FNDC1: variants seen among roughly 807,000 people sequenced by gnomAD.
FNDC1 encodes the protein fibronectin type III domain-containing protein 1.
In FNDC1, 96 loss-of-function variants were observed where a neutral mutation model predicts 168.0. The observed-to-expected ratio is 0.57, with a 90% CI of 0.48 to 0.68. The LOEUF (loss-of-function observed/expected upper bound fraction) is 0.68. Among genes scored for constraint, FNDC1 ranks in the 30% least tolerant of loss-of-function variants. The probability of loss-of-function intolerance (pLI) is 0.00; values close to 1 mark genes in which losing one functional copy is unlikely to be tolerated. For missense variants in FNDC1, 2,587 were observed against 2,482.1 expected (o/e 1.04, Z -0.90); for synonymous variants, 1,099 against 1,025.9 (o/e 1.07, Z -1.36).
In FNDC1 at chr6:159,236,247, G is replaced by A. The variant is rs779780288; in HGVS notation, c.4000G>A (p.Val1334Ile). 64 of 1,613,638 alleles carry A rather than the reference G, an allele frequency of 4.0e-5. No homozygotes were observed. In the South Asian group the frequency reaches 6.8e-4, roughly 17 times the overall value. The change falls in exon 12 of 23, where the codon GTC becomes ATC. Residue 1334 changes from valine (V) to isoleucine (I), a missense_variant. Val to Ile is a conservative substitution (Grantham distance 29). Coordinates refer to ENST00000297267, the MANE Select transcript of FNDC1 (RefSeq NM_032532.3). Reference sequence around the variant, plus strand: ...TGGCAGACCAAATGTAGAAGGGAAAGTCCTTCCTGGTAGTAATGGAAAACC... The same window carrying A: ...TGGCAGACCAAATGTAGAAGGGAAAATCCTTCCTGGTAGTAATGGAAAACC... ...YNGRPNVEGKVLPGSNGKPNG... is the reference protein window; with the variant it reads ...YNGRPNVEGKILPGSNGKPNG...
chr6:159,210,667 G>A (rs564322569), intron 4 of FNDC1, among the ~76,000 whole-genome samples: 2 of 152,342 alleles, frequency 1.3e-5, no homozygotes, highest in South Asian at 4.1e-4. Flanking sequence ...GAACGAGCCT[G>A]TGGTGGATGC....
At chr6:159,210,366 T>C (rs1412660235) in intron 4 of FNDC1, among the ~76,000 whole-genome samples, 2 of 152,218 alleles carry the variant, frequency 1.3e-5, no homozygotes, top group African/African-American at 4.8e-5. Flanking sequence ...AGATGTTCCC[T>C]TAGCCTTTCT....
At chr6:159,223,261 G>T (rs1412104262) in intron 6 of FNDC1, among the ~76,000 whole-genome samples, 1 of 152,138 alleles carries the variant, frequency 6.6e-6, no homozygotes, top group Non-Finnish European at 1.5e-5. Flanking sequence ...CTCCCAAAGT[G>T]CTGGGATTAC....
Position 159,271,568 on chromosome 6 carries a change from T to TG in FNDC1, c.*128dup. 1.5e-6 allele frequency: 1 copy of TG among 671,980 alleles called. No individual in the cohort carries two copies. The highest frequency in any genetic ancestry group is 2.2e-5 in the Admixed American group (1 of 45,096). The allele number at this position is 671,980 out of a possible 1,614,324, so 41.6% of individuals were successfully genotyped here. A position where few individuals can be genotyped will look rare whatever the true frequency, so the allele number is the denominator to read the frequency against. The stretch of plus-strand genomic sequence containing the variant: ...CCCTAGGTGCCAGGAAGGTCATAGA[T>TG]GGACACTGGCCATTCTGGTCATCTC... On this transcript the variant is annotated 3_prime_UTR_variant, in exon 23 of 23. Coordinates refer to ENST00000297267, the MANE Select transcript of FNDC1 (RefSeq NM_032532.3).
At chr6:159,179,623 G>GCCCT (rs976057771) in intron 1 of FNDC1, among the ~76,000 whole-genome samples, 3 of 151,986 alleles carry the variant, frequency 2.0e-5, no homozygotes, top group African/African-American at 7.3e-5. Flanking sequence ...TTTGCTCCAC[G>GCCCT]CCCTCATCAA....
chr6:159,233,742 G>T lies in FNDC1; in HGVS notation c.3230G>T (p.Gly1077Val). 1 of 1,549,188 alleles carries T rather than the reference G, an allele frequency of 6.5e-7. No individual in the cohort carries two copies. Residue 1077 changes from glycine (G) to valine (V), a missense_variant, in exon 11 of 23, where the codon GGC becomes GTC. By Grantham distance (109) the Gly-to-Val change is moderately radical (BLOSUM62 -3). Coordinates refer to ENST00000297267, the MANE Select transcript of FNDC1 (RefSeq NM_032532.3). The surrounding 1 kb of genome is among the most constrained non-coding windows in gnomAD (Gnocchi z 4.6). ...CAGAACCAGGACGAGGATGCCCAGG[G>T]CAGCTACGACGACGACAGCACAGAA... is the stretch of plus-strand genomic sequence containing the variant. ...ALQNQDEDAQGSYDDDSTEVE... is the reference protein window; with the variant it reads ...ALQNQDEDAQVSYDDDSTEVE...
At chr6:159,263,527 C>A (rs1777532239) in intron 19 of FNDC1, among the ~76,000 whole-genome samples, 3 of 152,212 alleles carry the variant, frequency 2.0e-5, no homozygotes, top group African/African-American at 4.8e-5. Context: ...CTTTGGGAGG[C>A]CGAGTCAGGC....
chr6:159,225,641 T>C lies in FNDC1; in HGVS notation c.991T>C (p.Tyr331His). Residue 331 changes from tyrosine (Y) to histidine (H), a missense_variant, in exon 8 of 23, where the codon TAT (tyrosine) becomes CAT (histidine). Coordinates refer to ENST00000297267, the MANE Select transcript of FNDC1 (RefSeq NM_032532.3). Reference protein sequence around the residue: ...LIENLIPDTVYEFAVRISQGE... With the variant: ...LIENLIPDTVHEFAVRISQGE... Reference sequence around the variant, plus strand: ...TGAGAACCTGATTCCAGACACTGTGTATGAATTTGCAGTCCGTATTTCACA... The same window carrying C: ...TGAGAACCTGATTCCAGACACTGTGCATGAATTTGCAGTCCGTATTTCACA... 1 of 1,613,964 alleles carries C rather than the reference T, an allele frequency of 6.2e-7. No homozygotes were observed. The highest frequency in any genetic ancestry group is 8.5e-7 in the Non-Finnish European group (1 of 1,179,876).
At chr6:159,269,029 T>TCCAC (rs1484836547) in intron 22 of FNDC1, among the ~76,000 whole-genome samples, 8 of 107,394 alleles carry the variant, frequency 7.4e-5, no homozygotes, top group Non-Finnish European at 1.1e-4. Flanking sequence ...CATCCATCCA[T>TCCAC]CCACCCACCT....
chr6:159,248,599 T>A (rs909018729), intron 15 of FNDC1, among the ~76,000 whole-genome samples: 3 of 152,016 alleles, frequency 2.0e-5, no homozygotes, highest in Non-Finnish European at 2.9e-5. Flanking sequence ...CCACCACACC[T>A]GGCCAAAAAA....
rs1350183797 is a variant in FNDC1 at position 159,246,779 on chromosome 6, C to A, written c.4622-122C>A. On this transcript the variant is annotated intron_variant, in intron 14 of 22. Coordinates refer to ENST00000297267, the MANE Select transcript of FNDC1 (RefSeq NM_032532.3). ...CTGAAAAAATTATGGAGACCCTGGC[C>A]TTGGGGACTTGTTTTCATGACCTGC... is the stretch of plus-strand genomic sequence containing the variant. 3.1e-4 allele frequency: 211 copies of A among 677,476 alleles called. 1 individual carries two copies. Among genetic ancestry groups the A allele is most frequent in the Non-Finnish European group, 2.9e-5 (11 of 377,344 alleles). The allele number at this position is 677,476 out of a possible 1,614,324, so 42.0% of individuals were successfully genotyped here. A position where few individuals can be genotyped will look rare whatever the true frequency, so the allele number is the denominator to read the frequency against.
At chr6:159,256,028 C>T (rs1777362820) in intron 17 of FNDC1, among the ~76,000 whole-genome samples, 1 of 152,192 alleles carries the variant, frequency 6.6e-6, no homozygotes, top group Non-Finnish European at 1.5e-5. Flanking sequence ...AATGAGAAAT[C>T]GCAGGACAGC....
Position 159,233,952 on chromosome 6 carries a change from G to T in FNDC1, c.3440G>T (p.Arg1147Leu), listed in dbSNP as rs769434192. The change falls in exon 11 of 23, where the codon CGC (arginine) becomes CTC (leucine). Residue 1147 changes from arginine to leucine, a missense_variant. Physicochemically the swap from Arg to Leu is moderately radical, Grantham distance 102. Coordinates refer to ENST00000297267, the MANE Select transcript of FNDC1 (RefSeq NM_032532.3). This position sits in a 1 kb window ranked among gnomAD's most constrained non-coding sequence, Gnocchi z 4.6. ...RPSRPGGPQS[R>L]ARVPSRAAPG... ...AGCCGACCCGGCGGCCCCCAGTCCCGCGCCCGGGTACCCAGCAGGGCAGCG... is the reference window on the plus strand; with the variant it reads ...AGCCGACCCGGCGGCCCCCAGTCCCTCGCCCGGGTACCCAGCAGGGCAGCG... The T allele has an allele frequency of 1.9e-6, 3 of 1,569,702 alleles. No individual in the cohort carries two copies. Among genetic ancestry groups the T allele is most frequent in the Non-Finnish European group, 1.7e-6 (2 of 1,157,604 alleles).
intron 1 of FNDC1, among the ~76,000 whole-genome samples, chr6:159,183,662 G>A (rs1781929326): frequency 6.6e-6 from 1 of 152,208 alleles, no homozygotes; most frequent in Non-Finnish European, 1.5e-5. Flanking sequence ...GGAGGAGCTG[G>A]CAAAGGGGAC....
chr6:159,268,298 C>T (rs977366572), intron 22 of FNDC1, among the ~76,000 whole-genome samples: 9 of 152,114 alleles, frequency 5.9e-5, no homozygotes, highest in Non-Finnish European at 7.4e-5. Flanking sequence ...CTAACTCTCT[C>T]GGCCTCCAAA....
At chr6:159,249,299 A>C (rs746924356) in intron 16 of FNDC1, 117 bp downstream of exon 16, 4 of 993,694 alleles carry the variant, frequency 4.0e-6, no homozygotes, top group Non-Finnish European at 5.8e-6. Flanking sequence ...GTTTTTCCAG[A>C]ATGAAGTTTC....
chr6:159,189,328 G>T (rs116680625), intron 1 of FNDC1, among the ~76,000 whole-genome samples: 4 of 152,140 alleles, frequency 2.6e-5, no homozygotes, highest in African/African-American at 9.7e-5. Flanking sequence ...CCACAGCCTC[G>T]TGAGTAGAAA....
Position 159,233,434 on chromosome 6 carries a change from C to T in FNDC1, c.2922C>T (p.Arg974=). The change falls in exon 11 of 23, where the codon CGC becomes CGT. Residue 974 remains arginine (R), a synonymous_variant. Coordinates refer to ENST00000297267, the MANE Select transcript of FNDC1 (RefSeq NM_032532.3). The surrounding 1 kb of genome is among the most constrained non-coding windows in gnomAD (Gnocchi z 4.6). ...SPKAQPGSTD[R]HASPARPPAA... is the part of the protein sequence containing the mutation. ...AAGCACAGCCAGGGTCCACAGACCG[C>T]CACGCGTCCCCTGCTCGTCCGCCCG... The T allele has an allele frequency of 9.3e-6, 15 of 1,610,526 alleles. No homozygotes were observed. Among genetic ancestry groups the T allele is most frequent in the Non-Finnish European group, 1.3e-5 (15 of 1,179,186 alleles).
intron 9 of FNDC1, among the ~76,000 whole-genome samples, chr6:159,227,549 T>C (rs1782977933): frequency 6.6e-6 from 1 of 152,102 alleles, no homozygotes; most frequent in Admixed American, 6.5e-5. Flanking sequence ...CTTGGAATAA[T>C]AGAAGTTAAG....
Sources: gnomAD v4.1 joint callset for allele counts (sites outside exome capture counted in the v4.1 genomes callset) on GRCh38, gnomAD v4.1.1 for gene constraint, Gnocchi (gnomAD v3.1) non-coding constraint, MANE v1.5 for transcripts, NCBI Gene and HGNC (gene_info 2026-07-23, HGNC 2026-07-21) for gene names.